Variants in RAPGEF5 observed in about 807,000 individuals in gnomAD.
RAPGEF5 encodes Rap guanine nucleotide exchange factor 5.
Under a neutral mutation model 125.2 loss-of-function variants are expected in RAPGEF5, and 65 were observed. The observed-to-expected ratio is 0.52, with a 90% CI of 0.43 to 0.64. The LOEUF (loss-of-function observed/expected upper bound fraction) is 0.64. Among genes scored for constraint, RAPGEF5 ranks in the 30% least tolerant of loss-of-function variants. The pLI, the probability that RAPGEF5 is intolerant of heterozygous loss-of-function variation, is 0.00. For missense variants in RAPGEF5, 958 were observed against 1,048.1 expected, an observed-to-expected ratio of 0.91 and a Z score of 1.19; for synonymous variants, 391 against 385.9, an observed-to-expected ratio of 1.01 and a Z score of -0.16.
At chr7:22,195,869 T>C (rs1220284616) in intron 9 of RAPGEF5, among the ~76,000 whole-genome samples, 1 of 152,232 alleles carries the variant, frequency 6.6e-6, no homozygotes, top group Non-Finnish European at 1.5e-5. Flanking sequence ...CATGCGCCAA[T>C]ACTCATTTTA....
chr7:22,312,254 G>C (rs1783488828), intron 3 of RAPGEF5, among the ~76,000 whole-genome samples: 2 of 151,804 alleles, frequency 1.3e-5, no homozygotes, highest in Non-Finnish European at 2.9e-5. Context: ...CGTCGCCCAG[G>C]CTGGAGTGCA....
chr7:22,333,266 A>G (rs563662826), intron 1 of RAPGEF5, among the ~76,000 whole-genome samples: 8 of 152,166 alleles, frequency 5.3e-5, no homozygotes, highest in Non-Finnish European at 1.2e-4. Context: ...ACCCAGATAC[A>G]GTGGGGGGTC....
At chr7:22,199,614 A>T (rs917778810) in intron 9 of RAPGEF5, among the ~76,000 whole-genome samples, 2 of 151,058 alleles carry the variant, frequency 1.3e-5, no homozygotes, top group Admixed American at 6.7e-5. Flanking sequence ...GGGACACATG[A>T]ATCTGCCCCA....
chr7:22,237,335 T>C (rs1462567325), intron 7 of RAPGEF5, among the ~76,000 whole-genome samples: 3 of 151,488 alleles, frequency 2.0e-5, no homozygotes, highest in Non-Finnish European at 4.4e-5. Flanking sequence ...AATAGTCCCA[T>C]AGATAGTTTT....
intron 1 of RAPGEF5, among the ~76,000 whole-genome samples, chr7:22,330,270 G>A (rs1370112139): frequency 6.6e-6 from 1 of 152,196 alleles, no homozygotes; most frequent in African/African-American, 2.4e-5. Context: ...ACAAGGCTGG[G>A]GTCTGCTGGG....
At chr7:22,288,412 C>A (rs1782848169) in intron 6 of RAPGEF5, among the ~76,000 whole-genome samples, 2 of 152,002 alleles carry the variant, frequency 1.3e-5, no homozygotes, top group South Asian at 4.2e-4. Context: ...ATTTACTCAA[C>A]TTCCTAAGAA....
At chr7:22,301,653 C>T (rs1196089545) in intron 5 of RAPGEF5, among the ~76,000 whole-genome samples, 1 of 149,858 alleles carries the variant, frequency 6.7e-6, no homozygotes, top group African/African-American at 2.4e-5. Context: ...GTAGATAGGC[C>T]GAAAATATGC....
intron 9 of RAPGEF5, among the ~76,000 whole-genome samples, chr7:22,216,030 T>C (rs1785629529): frequency 6.6e-6 from 1 of 152,316 alleles, no homozygotes; most frequent in Middle Eastern, 3.4e-3. Context: ...TAATATAAAA[T>C]AGCATGCACA....
chr7:22,321,169 T>C (rs1420992778), intron 1 of RAPGEF5, among the ~76,000 whole-genome samples: 5 of 152,184 alleles, frequency 3.3e-5, no homozygotes, highest in Non-Finnish European at 7.4e-5. Context: ...GGAAAATGTT[T>C]CCCTAACTAA....
At chr7:22,316,189 T>G (rs1783585365) in intron 2 of RAPGEF5, among the ~76,000 whole-genome samples, 1 of 152,038 alleles carries the variant, frequency 6.6e-6, no homozygotes, top group African/African-American at 2.4e-5. Context: ...TCCTTCTCTA[T>G]AACCAGCACC....
At chr7:22,314,980 A>C (rs991650413) in intron 3 of RAPGEF5, among the ~76,000 whole-genome samples, 1 of 152,108 alleles carries the variant, frequency 6.6e-6, no homozygotes, top group African/African-American at 2.4e-5. Flanking sequence ...GGAGAGTTAG[A>C]GCATGTCTCT....
At chr7:22,328,414 T>C (rs1314494237) in intron 1 of RAPGEF5, among the ~76,000 whole-genome samples, 1 of 152,096 alleles carries the variant, frequency 6.6e-6, no homozygotes, top group East Asian at 1.9e-4. Flanking sequence ...GGGACCAGAG[T>C]CCTTTCCCAA....
intron 1 of RAPGEF5, among the ~76,000 whole-genome samples, chr7:22,331,379 G>C (rs887042611): frequency 1.3e-5 from 2 of 152,106 alleles, no homozygotes; most frequent in African/African-American, 4.8e-5. Flanking sequence ...ACAGAAGCTC[G>C]ATCTTTCTAT....
At chr7:22,330,968 G>GC (rs1303961623) in intron 1 of RAPGEF5, among the ~76,000 whole-genome samples, 3 of 152,106 alleles carry the variant, frequency 2.0e-5, no homozygotes, top group African/African-American at 7.2e-5. Flanking sequence ...CATATAGGAC[G>GC]CTAGCTTCAT....
intron 24 of RAPGEF5, 128 bp from the exon 25 acceptor site, chr7:22,125,786 G>C (rs115722337): frequency 1.2e-6 from 1 of 856,272 alleles, no homozygotes. Flanking sequence ...ACTGTATTTG[G>C]AGCTGGATGT....
At chr7:22,226,939 CTGT>C (rs1450771368) in intron 8 of RAPGEF5, among the ~76,000 whole-genome samples, 1 of 152,072 alleles carries the variant, frequency 6.6e-6, no homozygotes, top group African/African-American at 2.4e-5. Context: ...GAAATTTATG[CTGT>C]TATTTCCCTC....
Position 22,355,766 on chromosome 7 carries a change from G to A in RAPGEF5, c.231+1064C>T, listed in dbSNP as rs1388803352. ...TTCAGACCCTTCCCTACCCAAAGGA[G>A]GGCGCATGAAAACAAGTGGTTATCC... On this transcript the variant is annotated intron_variant, in intron 1 of 25. Coordinates refer to ENST00000665637, the MANE Select transcript of RAPGEF5 (RefSeq NM_012294.5). 2.0e-5 allele frequency among the ~76,000 whole-genome samples: 3 copies of A among 152,230 alleles called. No individual in the cohort carries two copies. The East Asian group carries it at 5.8e-4, about 30-fold the overall frequency.
intron 23 of RAPGEF5, among the ~76,000 whole-genome samples, chr7:22,135,289 C>T (rs181143452): frequency 1.3e-5 from 2 of 152,304 alleles, no homozygotes; most frequent in Non-Finnish European, 2.9e-5. Context: ...AATCAAAATA[C>T]GGCCAAGGAT....
chr7:22,309,859 T>C, intron 4 of RAPGEF5, 110 bp downstream of exon 4: 1 of 1,214,550 alleles, frequency 8.2e-7, no homozygotes, highest in South Asian at 1.6e-5. Flanking sequence ...AATATTTATC[T>C]TCAAAAATAA....
Sources: allele counts gnomAD v4.1 joint callset (sites outside exome capture counted in the v4.1 genomes callset), GRCh38; gene constraint gnomAD v4.1.1; transcripts MANE v1.5; gene names NCBI Gene and HGNC (gene_info 2026-07-23, HGNC 2026-07-21).